COPA: variants seen among roughly 807,000 people sequenced by gnomAD.
The protein encoded by COPA is coatomer subunit alpha.
Under a neutral mutation model 158.7 loss-of-function variants are expected in COPA, and 10 were observed. The observed-to-expected ratio is 0.06, with a 90% CI of 0.04 to 0.11. The LOEUF (loss-of-function observed/expected upper bound fraction) is 0.11. Ranked by LOEUF, COPA falls within the 10% of genes least tolerant of loss-of-function variation. The pLI is 1.00. For missense variants in COPA, 1,065 were observed against 1,536.7 expected (o/e 0.69, Z 5.13); for synonymous variants, 462 against 542.8 (o/e 0.85, Z 2.07).
At position 160,297,515 on chromosome 1, in the gene COPA, C is replaced by T. The variant is rs1399526775; in HGVS notation, c.2167+41G>A. 1.9e-6 allele frequency: 3 copies of T among 1,612,744 alleles called. No individual in the cohort carries two copies. The South Asian group carries it at 3.3e-5, about 18-fold the overall frequency. ...CTCCTTAATTCACCTTCCTCCTTCC[C>T]CCAAGAACCCCTCTTCCCATCCTTA... On this transcript the variant is annotated intron_variant, in intron 20 of 32. Coordinates refer to ENST00000241704, the MANE Select transcript of COPA (RefSeq NM_004371.4).
rs182327868 is a variant in COPA, at chr1:160,300,284, G to A, written c.1668-1020C>T. Among the ~76,000 whole-genome samples the A allele has an allele frequency of 3.9e-3, 592 of 151,852 alleles. 7 individuals carry two copies. Among genetic ancestry groups the A allele is most frequent in the African/African-American group, 0.013 (556 of 41,388 alleles). ...GAACCCGAGAGACGGAGGTTGCCGT[G>A]AGCCGAGGTCGTACCATTGCACTCC... On this transcript the variant is annotated intron_variant, in intron 17 of 32. Transcript: ENST00000241704.
At position 160,293,412 on chromosome 1, in the gene COPA, G is replaced by A; in HGVS notation, c.2728C>T (p.Pro910Ser). ...TGAGTTGGACTTGTTCCCTTGGTTG[G>A]GGGCACAAAGAAACCATCTTCAGCC... Reference protein sequence around the residue: ...GGAEDGFFVPPTKGTSPTQIW... With the variant: ...GGAEDGFFVPSTKGTSPTQIW... The change falls in exon 26 of 33, where the codon CCA becomes TCA. Residue 910 changes from proline to serine, a missense_variant. Around this residue, in one of 2 missense-constraint regions of COPA, gnomAD observed 980 missense variants for 1,357.8 expected, o/e 0.72. Transcript: ENST00000241704. 1 of 1,612,584 alleles carries A rather than the reference G, an allele frequency of 6.2e-7. No individual in the cohort carries two copies. The highest frequency in any genetic ancestry group is 8.5e-7 in the Non-Finnish European group (1 of 1,179,528).
intron 1 of COPA, among the ~76,000 whole-genome samples, chr1:160,341,650 A>G (rs1275029728): frequency 6.6e-6 from 1 of 152,198 alleles, no homozygotes; most frequent in Admixed American, 6.5e-5. Flanking sequence ...GGCTGCTATC[A>G]GCTATTTGTT....
At position 160,291,510 on chromosome 1, in the gene COPA, A is replaced by G. The variant is rs1658230755; in HGVS notation, c.3259-14T>C. On this transcript the variant is annotated splice_polypyrimidine_tract_variant and intron_variant, in intron 30 of 32. Transcript: ENST00000241704. ...ATAGGCTGCCATCTGGTGGACAGAAAAAGGAACACATGCCAGGTTGATGCT... is the reference window on the plus strand; with the variant it reads ...ATAGGCTGCCATCTGGTGGACAGAAGAAGGAACACATGCCAGGTTGATGCT... The G allele has an allele frequency of 6.2e-7, 1 of 1,610,954 alleles. No homozygotes were observed. Among genetic ancestry groups the G allele is most frequent in the Non-Finnish European group, 8.5e-7 (1 of 1,177,510 alleles).
chr1:160,290,292 C>T (rs1056362134), intron 32 of COPA, 76 bp from the exon 33 acceptor site: 14 of 1,520,854 alleles, frequency 9.2e-6, no homozygotes, highest in Middle Eastern at 1.7e-4. Context: ...TCCCTATACC[C>T]CTCAATGGGC....
intron 6 of COPA, among the ~76,000 whole-genome samples, chr1:160,325,859 C>T (rs554081132): frequency 5.3e-5 from 8 of 152,348 alleles, no homozygotes; most frequent in African/African-American, 1.9e-4. Flanking sequence ...GCTCCCTTAA[C>T]ACTTAAACAG....
chr1:160,315,136 A>G (rs1659090930), intron 8 of COPA, among the ~76,000 whole-genome samples: 1 of 152,148 alleles, frequency 6.6e-6, no homozygotes, highest in Admixed American at 6.5e-5. Flanking sequence ...AGCAGATGGT[A>G]AGAGCATCTG....
In COPA at chr1:160,327,013, T is replaced by C. The variant is rs116146698; in HGVS notation, c.497-1361A>G. Among the ~76,000 whole-genome samples, 965 of 152,340 alleles carry C rather than the reference T, an allele frequency of 6.3e-3. 20 individuals are homozygous for C. In the East Asian group the frequency reaches 0.091, roughly 14 times the overall value. ...TACTATCTCACATTCGGAAAGTACT[T>C]TGTGGTTTTCAGAGAGTATGTTATG... is the stretch of plus-strand genomic sequence containing the variant. On this transcript the variant is annotated intron_variant, in intron 6 of 32. Coordinates refer to ENST00000241704, the MANE Select transcript of COPA (RefSeq NM_004371.4).
At chr1:160,308,762 T>C (rs1003178938) in intron 13 of COPA, among the ~76,000 whole-genome samples, 13 of 152,204 alleles carry the variant, frequency 8.5e-5, no homozygotes, top group Non-Finnish European at 1.5e-5. Context: ...TGAGGCATTA[T>C]AAGATTGGAA....
At chr1:160,343,021 T>C in intron 1 of COPA, 110 bp downstream of exon 1, 1 of 1,307,162 alleles carries the variant, frequency 7.7e-7, no homozygotes, top group Non-Finnish European at 1.1e-6. Context: ...TTCCTCCGGG[T>C]CCGTCTGGTG....
In COPA at chr1:160,310,231, C is replaced by T. The variant is rs775976072; in HGVS notation, c.1104G>A (p.Met368Ile). The change falls in exon 12 of 33, where the codon ATG becomes ATA. Residue 368 changes from methionine (M) to isoleucine (I), a missense_variant. Around this residue, in one of 2 missense-constraint regions of COPA, gnomAD observed 980 missense variants for 1,357.8 expected, o/e 0.72. Transcript: ENST00000241704. ...RSGSKFPVFN[M>I]SYNPAENAVL... ...CTGCATTTTCTGCTGGATTGTATGA[C>T]ATATTGAATACTGGAAACTTGGAAC... 8 of 1,603,088 alleles carry T rather than the reference C, an allele frequency of 5.0e-6. No individual in the cohort carries two copies. The highest frequency in any genetic ancestry group is 8.5e-7 in the Non-Finnish European group (1 of 1,174,786).
intron 11 of COPA, among the ~76,000 whole-genome samples, chr1:160,311,183 G>A (rs1270963602): frequency 6.6e-6 from 1 of 152,032 alleles, no homozygotes; most frequent in East Asian, 1.9e-4. Flanking sequence ...GCTCACGCCT[G>A]CAATCCCAGA....
chr1:160,325,067 CTT>C (rs199862603), intron 7 of COPA, among the ~76,000 whole-genome samples: 6 of 144,258 alleles, frequency 4.2e-5, no homozygotes, highest in Admixed American at 1.4e-4. Flanking sequence ...CTCTAAATCT[CTT>C]TTTTTTTTTT....
At chr1:160,305,393 GC>G in intron 17 of COPA, 39 bp downstream of exon 17, 1 of 1,587,438 alleles carries the variant, frequency 6.3e-7, no homozygotes, top group East Asian at 2.2e-5. Flanking sequence ...ATTTCAGGAA[GC>G]TGTCTTCTCC....
chr1:160,321,314 T>C (rs1211486248), intron 8 of COPA, among the ~76,000 whole-genome samples: 4 of 152,170 alleles, frequency 2.6e-5, no homozygotes, highest in Admixed American at 2.6e-4. Flanking sequence ...ACCACTTTTA[T>C]TCGACAAAAC....
intron 10 of COPA, among the ~76,000 whole-genome samples, chr1:160,312,627 C>G (rs1466857467): frequency 6.6e-6 from 1 of 152,176 alleles, no homozygotes; most frequent in Non-Finnish European, 1.5e-5. Flanking sequence ...ATCTTAAGTT[C>G]TAACCATGGC....
intron 8 of COPA, chr1:160,317,603 G>A (rs569210820): frequency 6.0e-4 from 945 of 1,563,104 alleles, no homozygotes; most frequent in Non-Finnish European, 7.7e-4. Flanking sequence ...CTCTTTGAGG[G>A]TCAGAGAATT....
At position 160,341,722 on chromosome 1, in the gene COPA, C is replaced by A. The variant is rs933209204; in HGVS notation, c.40+1409G>T. The stretch of plus-strand genomic sequence containing the variant: ...AAGTAACTTAACTTTTTTTTTCTTG[C>A]ATTTCTTTCATTACTAGTGAGGTGG... On this transcript the variant is annotated intron_variant, in intron 1 of 32. Transcript: ENST00000241704. 2.6e-5 allele frequency among the ~76,000 whole-genome samples: 4 copies of A among 151,694 alleles called. No homozygotes were observed. The East Asian group carries it at 7.7e-4, about 29-fold the overall frequency.
chr1:160,297,350 A>G lies in COPA; in HGVS notation c.2256T>C (p.Cys752=), dbSNP rs1166896833. The change falls in exon 21 of 33, where the codon TGT becomes TGC. Residue 752 remains cysteine, a synonymous_variant. Transcript: ENST00000241704. ...VSERVRILKN[C]GQKSLAYLTA... ...CAAGTCTCGGATACTTACTCTGTCC[A>G]CAGTTCTTCAGGATCCGCACACGCT... 6.2e-7 allele frequency: 1 copy of G among 1,614,072 alleles called. No individual in the cohort carries two copies. The highest frequency in any genetic ancestry group is 8.5e-7 in the Non-Finnish European group (1 of 1,179,916).
Sources: allele counts gnomAD v4.1 joint callset (sites outside exome capture counted in the v4.1 genomes callset), GRCh38; gene constraint gnomAD v4.1.1; regional missense constraint gnomAD v4.1.1; transcripts MANE v1.5; gene names NCBI Gene and HGNC (gene_info 2026-07-23, HGNC 2026-07-21).